Variants in CLNK observed in about 807,000 individuals in gnomAD.
The protein encoded by CLNK is cytokine-dependent hematopoietic cell linker.
In CLNK, 74 loss-of-function variants were observed where a neutral mutation model predicts 68.6. The ratio of observed to expected loss-of-function variants is 1.08; its 90% confidence interval spans 0.89 to 1.31. The LOEUF (loss-of-function observed/expected upper bound fraction) is 1.31. CLNK is among the 50% of genes most tolerant of loss of function. CLNK has a pLI of 0.00. For missense variants in CLNK, 553 were observed against 515.3 expected (o/e 1.07, Z -0.71); for synonymous variants, 198 against 172.2 (o/e 1.15, Z -1.17).
At chr4:10,642,931 T>C (rs1032195105) in intron 2 of CLNK, among the ~76,000 whole-genome samples, 3 of 152,236 alleles carry the variant, frequency 2.0e-5, no homozygotes, top group African/African-American at 7.2e-5. Flanking sequence ...TTATCTTAGT[T>C]GGTATTTGGT....
At chr4:10,674,744 A>G (rs1273370431) in intron 1 of CLNK, among the ~76,000 whole-genome samples, 2 of 152,166 alleles carry the variant, frequency 1.3e-5, no homozygotes, top group Non-Finnish European at 1.5e-5. Context: ...GATGGTCTCA[A>G]TGATTATATT....
intron 7 of CLNK, among the ~76,000 whole-genome samples, chr4:10,560,459 G>C (rs912373551): frequency 6.6e-6 from 1 of 151,760 alleles, no homozygotes. Flanking sequence ...TCACTCTGTC[G>C]CTCCGGCTGG....
At chr4:10,664,723 C>G (rs1009794830) in intron 2 of CLNK, among the ~76,000 whole-genome samples, 16 of 152,220 alleles carry the variant, frequency 1.1e-4, no homozygotes, top group Admixed American at 5.9e-4. Flanking sequence ...GATGCTGACA[C>G]TGCTGCTGTG....
chr4:10,699,293 CACACACACACCACATACGTGTAT>C, the CLNK span, among the ~76,000 whole-genome samples: 1 of 15,662 alleles, frequency 6.4e-5, no homozygotes, highest in African/African-American at 1.8e-4. Context: ...TACGTGTATA[CACACACACACCACATACGTGTAT>C]ACACACACAC....
intron 18 of CLNK, among the ~76,000 whole-genome samples, chr4:10,493,658 A>G (rs982168942): frequency 2.6e-5 from 4 of 152,112 alleles, no homozygotes; most frequent in South Asian, 2.1e-4. Flanking sequence ...CACCCATATT[A>G]CGTATACAAT....
At chr4:10,599,124 G>A (rs1200284628) in intron 2 of CLNK, among the ~76,000 whole-genome samples, 1 of 152,114 alleles carries the variant, frequency 6.6e-6, no homozygotes. Flanking sequence ...CTGGTAACTT[G>A]TGTTCACATC....
At chr4:10,511,070 T>C (rs559798329) in intron 16 of CLNK, among the ~76,000 whole-genome samples, 1 of 152,108 alleles carries the variant, frequency 6.6e-6, no homozygotes, top group Non-Finnish European at 1.5e-5. Context: ...GGAGAATCAC[T>C]TGAAGCCGGG....
At chr4:10,688,960 A>T (rs1025188169), upstream of CLNK, among the ~76,000 whole-genome samples, 1 of 152,092 alleles carries the variant, frequency 6.6e-6, no homozygotes, top group African/African-American at 2.4e-5. Flanking sequence ...CCCCCGAGAA[A>T]CAGATTTCTT....
chr4:10,731,876 G>T, the CLNK span, among the ~76,000 whole-genome samples: 1 of 152,186 alleles, frequency 6.6e-6, no homozygotes, highest in Non-Finnish European at 1.5e-5. Flanking sequence ...CTGAAGTTTG[G>T]TGAGTTTGAA....
intron 5 of CLNK, among the ~76,000 whole-genome samples, chr4:10,570,391 T>TAG (rs896629401): frequency 1.3e-5 from 2 of 151,634 alleles, no homozygotes; most frequent in South Asian, 2.1e-4. Flanking sequence ...TGTACTTCTT[T>TAG]AGAGAGAGAG....
At chr4:10,537,678 T>TCTTTCTTTCTTC (rs1718836142) in intron 11 of CLNK, among the ~76,000 whole-genome samples, 26 of 38,522 alleles carry the variant, frequency 6.7e-4, no homozygotes, top group South Asian at 2.3e-3. Context: ...TTTCTTTCTT[T>TCTTTCTTTCTTC]CTTCCTTCCT....
At chr4:10,512,927 A>C (rs1717655375) in intron 16 of CLNK, among the ~76,000 whole-genome samples, 1 of 152,144 alleles carries the variant, frequency 6.6e-6, no homozygotes, top group Non-Finnish European at 1.5e-5. Flanking sequence ...GAGACCACAA[A>C]ATAGATGACA....
intron 2 of CLNK, among the ~76,000 whole-genome samples, chr4:10,599,539 C>T (rs571318940): frequency 6.6e-6 from 1 of 152,196 alleles, no homozygotes; most frequent in Non-Finnish European, 1.5e-5. Flanking sequence ...TTTCCATCTG[C>T]ATTCTGACTT....
intron 8 of CLNK, among the ~76,000 whole-genome samples, chr4:10,547,623 C>G (rs1347758348): frequency 1.3e-5 from 2 of 152,012 alleles, no homozygotes; most frequent in African/African-American, 4.8e-5. Context: ...AAACTTTGTC[C>G]CCTTTAAGCA....
chr4:10,594,433 C>T (rs1256145970), intron 3 of CLNK, among the ~76,000 whole-genome samples: 1 of 152,240 alleles, frequency 6.6e-6, no homozygotes, highest in Admixed American at 6.5e-5. Context: ...CTAACTTGAG[C>T]AAACATTGGC....
At chr4:10,621,926 T>C (rs1722475462) in intron 2 of CLNK, among the ~76,000 whole-genome samples, 1 of 152,202 alleles carries the variant, frequency 6.6e-6, no homozygotes, top group Admixed American at 6.5e-5. Flanking sequence ...AGCCCAGGTA[T>C]TTCTGTGATT....
At chr4:10,708,237 G>A in the CLNK span, among the ~76,000 whole-genome samples, 3 of 152,156 alleles carry the variant, frequency 2.0e-5, no homozygotes, top group Admixed American at 2.0e-4. Flanking sequence ...GAAAGTAGGA[G>A]TATAATTTTT....
chr4:10,574,262 C>T (rs1300378912), intron 4 of CLNK, among the ~76,000 whole-genome samples: 3 of 152,190 alleles, frequency 2.0e-5, no homozygotes, highest in African/African-American at 7.2e-5. Context: ...TGACCTCATC[C>T]CTTTTCAGCC....
intron 2 of CLNK, among the ~76,000 whole-genome samples, chr4:10,651,636 G>A (rs1723742576): frequency 6.6e-6 from 1 of 152,118 alleles, no homozygotes; most frequent in African/African-American, 2.4e-5. Flanking sequence ...CAAAGACAAA[G>A]AGTATGCTAA....
Sources: allele counts gnomAD v4.1 joint callset (sites outside exome capture counted in the v4.1 genomes callset), GRCh38; gene constraint gnomAD v4.1.1; transcripts MANE v1.5; gene names NCBI Gene and HGNC (gene_info 2026-07-23, HGNC 2026-07-21).